Variants in ATCAY observed in about 807,000 individuals in gnomAD.
The protein encoded by ATCAY is caytaxin.
ATCAY carries 22 observed loss-of-function variants against 47.7 expected under a neutral mutation model. The observed-to-expected ratio is 0.46, with a 90% CI of 0.33 to 0.66. ATCAY has a LOEUF of 0.66. ATCAY is among the 30% of genes least tolerant of loss of function. The probability of loss-of-function intolerance (pLI) is 0.02; values close to 1 mark genes in which losing one functional copy is unlikely to be tolerated. For synonymous variants in ATCAY, 216 were observed against 207.6 expected, an observed-to-expected ratio of 1.04 and a Z score of -0.35; for missense variants, 452 against 515.0, an observed-to-expected ratio of 0.88 and a Z score of 1.18.
At chr19:3,881,384 G>GAAA (rs397946296) in intron 1 of ATCAY, among the ~76,000 whole-genome samples, 4,956 of 130,206 alleles carry the variant, frequency 0.038, 262 homozygotes, top group African/African-American at 0.12. Flanking sequence ...ACGATTTCGG[G>GAAA]AAAAAAAAAA....
At chr19:3,910,988 C>T (rs936074971) in intron 8 of ATCAY, 99 bp downstream of exon 8, 72 of 1,315,306 alleles carry the variant, frequency 5.5e-5, no homozygotes, top group Middle Eastern at 3.7e-4. Context: ...CACGTGTGTG[C>T]GTGTGTGCAT....
chr19:3,885,789 C>T lies in ATCAY; in HGVS notation c.22C>T (p.Leu8Phe). The T allele has an allele frequency of 6.4e-7, 1 of 1,551,798 alleles. No homozygotes were observed. Among genetic ancestry groups the T allele is most frequent in the Non-Finnish European group, 8.7e-7 (1 of 1,147,372 alleles). MGTTEAT[L>F]RMENVDVKEE... The stretch of plus-strand genomic sequence containing the variant: ...TCCCATGGGGACCACCGAAGCCACG[C>T]TCCGGATGGAAAACGTGGACGTGAA... The change falls in exon 2 of 13, where the codon CTC becomes TTC. Residue 8 changes from leucine to phenylalanine, a missense_variant. Coordinates refer to ENST00000450849, the MANE Select transcript of ATCAY (RefSeq NM_033064.5).
chr19:3,901,544 A>C (rs1166635009), intron 2 of ATCAY, among the ~76,000 whole-genome samples: 1 of 152,154 alleles, frequency 6.6e-6, no homozygotes, highest in Non-Finnish European at 1.5e-5. Context: ...AATTCAACTT[A>C]CTAACTTATT....
At chr19:3,922,170 T>C in intron 12 of ATCAY, 1 of 702,334 alleles carries the variant, frequency 1.4e-6, no homozygotes, top group Non-Finnish European at 2.6e-6. Context: ...CTCCAGCCCC[T>C]GCACAGATCA....
At chr19:3,891,232 G>A (rs1009347178) in intron 2 of ATCAY, among the ~76,000 whole-genome samples, 4 of 151,712 alleles carry the variant, frequency 2.6e-5, no homozygotes, top group Non-Finnish European at 5.9e-5. Flanking sequence ...TTGTATTTTC[G>A]TTAGAGACAG....
intron 2 of ATCAY, among the ~76,000 whole-genome samples, chr19:3,900,174 C>G (rs2038804203): frequency 6.6e-6 from 1 of 150,906 alleles, no homozygotes; most frequent in African/African-American, 2.4e-5. Context: ...TTCCTAATGT[C>G]CTCTTTTTTT....
At chr19:3,910,942 CGT>C (rs1019057559) in intron 8 of ATCAY, 53 bp downstream of exon 8, 3 of 1,571,622 alleles carry the variant, frequency 1.9e-6, no homozygotes, top group Admixed American at 1.7e-5. Flanking sequence ...TGCGTGTGTG[CGT>C]GTGTGTATGC....
intron 12 of ATCAY, among the ~76,000 whole-genome samples, chr19:3,921,133 C>T (rs183023675): frequency 1.3e-5 from 2 of 152,276 alleles, no homozygotes; most frequent in African/African-American, 4.8e-5. Context: ...GCCAAGCTCC[C>T]TGAAGCCCAG....
At chr19:3,881,436 T>TGG (rs1219235502) in intron 1 of ATCAY, among the ~76,000 whole-genome samples, 1 of 141,238 alleles carries the variant, frequency 7.1e-6, no homozygotes, top group Non-Finnish European at 1.5e-5. Context: ...TCCTGTGGGG[T>TGG]GGGGAGGAAG....
Position 3,917,584 on chromosome 19 carries a change from CAAAAAAAAA to C in ATCAY, c.966-140_966-132del, listed in dbSNP as rs71166940. On this transcript the variant is annotated intron_variant, in intron 9 of 12. Coordinates refer to ENST00000450849, the MANE Select transcript of ATCAY (RefSeq NM_033064.5). ...TGGGCGACAGTGCAAGACTCCATCT[CAAAAAAAAA>C]AAAAAAAAAAAAAAAAAGGAAGAAG... Among the ~76,000 whole-genome samples, 33 of 40,840 alleles carry C rather than the reference CAAAAAAAAA, an allele frequency of 8.1e-4. 1 individual carries two copies. Among genetic ancestry groups the C allele is most frequent in the Non-Finnish European group, 1.0e-3 (24 of 23,642 alleles). 26.8% of individuals were successfully genotyped at this position (40,840 alleles called of 152,430 possible).
intron 3 of ATCAY, among the ~76,000 whole-genome samples, chr19:3,904,705 G>C (rs757914587): frequency 3.3e-5 from 5 of 151,968 alleles, no homozygotes; most frequent in Admixed American, 6.6e-5. Context: ...TAAAATAGGA[G>C]ACTATCCTGG....
intron 2 of ATCAY, among the ~76,000 whole-genome samples, chr19:3,887,800 A>G (rs1338347793): frequency 3.3e-5 from 5 of 149,898 alleles, no homozygotes; most frequent in African/African-American, 4.9e-5. Flanking sequence ...GTCTCTATTT[A>G]AAAAGAGAGG....
chr19:3,902,100 C>T (rs149828016), intron 2 of ATCAY, among the ~76,000 whole-genome samples: 1 of 152,232 alleles, frequency 6.6e-6, no homozygotes, highest in Non-Finnish European at 1.5e-5. Flanking sequence ...ATGGCTTGAG[C>T]CCAGGAGTTC....
intron 2 of ATCAY, 44 bp from the exon 3 acceptor site, chr19:3,902,443 T>C: frequency 1.3e-6 from 2 of 1,549,786 alleles, no homozygotes; most frequent in Non-Finnish European, 1.7e-6. Flanking sequence ...TGCCTGAATC[T>C]CTGGTGCCCG....
chr19:3,893,525 C>T (rs895941824), intron 2 of ATCAY: 2 of 152,038 alleles, frequency 1.3e-5, no homozygotes, highest in African/African-American at 4.8e-5. Flanking sequence ...CTTTGAGAGC[C>T]GGCTCTGCAG....
At chr19:3,884,849 C>A (rs769816412) in intron 1 of ATCAY, among the ~76,000 whole-genome samples, 1 of 151,716 alleles carries the variant, frequency 6.6e-6, no homozygotes. Context: ...GTAATCTCAG[C>A]GCTTAGAGAG....
chr19:3,916,543 G>C (rs2038967588), intron 9 of ATCAY, among the ~76,000 whole-genome samples: 2 of 152,164 alleles, frequency 1.3e-5, no homozygotes, highest in Admixed American at 1.3e-4. Flanking sequence ...ACCCAGGCTG[G>C]AGTGCAGTGG....
At chr19:3,888,723 T>C (rs2038686889) in intron 2 of ATCAY, among the ~76,000 whole-genome samples, 1 of 151,864 alleles carries the variant, frequency 6.6e-6, no homozygotes, top group South Asian at 2.1e-4. Flanking sequence ...TAAAAGAGAA[T>C]GGGGTTTGAA....
chr19:3,899,999 C>G (rs892179917), intron 2 of ATCAY, among the ~76,000 whole-genome samples: 1 of 152,060 alleles, frequency 6.6e-6, no homozygotes, highest in Non-Finnish European at 1.5e-5. Flanking sequence ...TAGTTTCTCC[C>G]ATAATTAACA....
Sources: allele counts gnomAD v4.1 joint callset (sites outside exome capture counted in the v4.1 genomes callset), GRCh38; gene constraint gnomAD v4.1.1; transcripts MANE v1.5; gene names NCBI Gene and HGNC (gene_info 2026-07-23, HGNC 2026-07-21).